The following MACROH2A1 variants were observed in gnomAD, a reference collection of about 807,000 sequenced individuals.
MACROH2A1 encodes the protein core histone macro-H2A.1.
MACROH2A1 carries 2 observed loss-of-function variants against 31.6 expected under a neutral mutation model. The ratio of observed to expected loss-of-function variants is 0.06; its 90% CI spans 0.03 to 0.20. MACROH2A1 has a LOEUF of 0.20. Ranked by LOEUF, MACROH2A1 falls within the 10% of genes least tolerant of loss-of-function variation. The pLI, the probability that MACROH2A1 is intolerant of heterozygous loss-of-function variation, is 1.00. For missense variants in MACROH2A1, 230 were observed against 474.0 expected (o/e 0.49, Z 4.78); for synonymous variants, 169 against 189.6 (o/e 0.89, Z 0.89).
intron 8 of MACROH2A1, among the ~76,000 whole-genome samples, chr5:135,336,285 T>C (rs1040974067): frequency 5.9e-5 from 9 of 152,236 alleles, no homozygotes; most frequent in Non-Finnish European, 1.0e-4. Context: ...AGCGATCCAC[T>C]GTTGACAGTG....
intron 5 of MACROH2A1, chr5:135,359,725 G>A (rs1224305875): frequency 2.1e-6 from 2 of 972,048 alleles, no homozygotes; most frequent in Non-Finnish European, 2.4e-6. Flanking sequence ...GATTAACTTG[G>A]AACGTCAAAT....
intron 2 of MACROH2A1, among the ~76,000 whole-genome samples, chr5:135,388,105 T>G (rs1269573934): frequency 6.9e-6 from 1 of 144,984 alleles, no homozygotes; most frequent in Non-Finnish European, 1.5e-5. Context: ...TACAAAAGAA[T>G]GCCAACTAAG....
chr5:135,336,203 T>C (rs761278900), intron 8 of MACROH2A1, among the ~76,000 whole-genome samples: 40 of 152,224 alleles, frequency 2.6e-4, no homozygotes, highest in Non-Finnish European at 4.4e-4. Context: ...GGGTATCTAC[T>C]GTAGTACTGC....
intron 8 of MACROH2A1, among the ~76,000 whole-genome samples, chr5:135,338,679 C>A (rs1471308852): frequency 2.0e-5 from 3 of 152,208 alleles, no homozygotes; most frequent in African/African-American, 7.2e-5. Context: ...GCATCTTTGG[C>A]TTCTCAGCTG....
intron 4 of MACROH2A1, 36 bp from the exon 5 acceptor site, chr5:135,360,643 C>T (rs538642624): frequency 7.2e-7 from 1 of 1,395,814 alleles, no homozygotes; most frequent in African/African-American, 1.4e-5. Context: ...GTGGGCCACA[C>T]AGACACAGGC....
intron 4 of MACROH2A1, chr5:135,360,844 AAGG>A: frequency 1.5e-6 from 1 of 668,208 alleles, no homozygotes; most frequent in South Asian, 1.5e-5. Flanking sequence ...CAGCCACTTA[AAGG>A]TAAAACTTCA....
Position 135,343,317 on chromosome 5 carries a change from G to A in MACROH2A1, c.896C>T (p.Ala299Val), listed in dbSNP as rs1011101353. 1.2e-6 allele frequency: 2 copies of A among 1,614,180 alleles called. No individual in the cohort carries two copies. The highest frequency in any genetic ancestry group is 1.7e-6 in the Non-Finnish European group (2 of 1,180,034). ...TTTCAGCTTCTTATCATCAGCCAGG[G>A]CCAAGCAGTTTTTCACTGTCTTTTC... is the stretch of plus-strand genomic sequence containing the variant. The part of the protein sequence containing the change: ...LLEKTVKNCL[A>V]LADDKKLKSI... Residue 299 changes from alanine to valine, a missense_variant, in exon 8 of 9, where the codon GCC becomes GTC. Coordinates refer to ENST00000511689, the MANE Select transcript of MACROH2A1 (RefSeq NM_138610.3).
intron 7 of MACROH2A1, 122 bp from the exon 8 acceptor site, chr5:135,343,556 C>T: frequency 7.0e-7 from 1 of 1,434,954 alleles, no homozygotes. Context: ...TGCCCTGTGT[C>T]CGAGGAGTTC....
At chr5:135,371,257 A>T (rs73294510) in intron 2 of MACROH2A1, among the ~76,000 whole-genome samples, 3,927 of 152,328 alleles carry the variant, frequency 0.026, 109 homozygotes, top group Admixed American at 0.073. Context: ...CAGTTAGAAG[A>T]AGTTTTAATG....
chr5:135,389,080 C>A lies in MACROH2A1; in HGVS notation c.14G>T (p.Gly5Val). ...CGTCTTGGTGGACTTCTTCTTCCCACCGCGGCTCGACATGGCGGTGGCCCT... is the reference window on the plus strand; with the variant it reads ...CGTCTTGGTGGACTTCTTCTTCCCAACGCGGCTCGACATGGCGGTGGCCCT... Reference protein sequence around the residue: MSSRGGKKKSTKTSR... With the variant: MSSRVGKKKSTKTSR... Residue 5 changes from glycine (G) to valine (V), a missense_variant, in exon 2 of 9, where the codon GGT becomes GTT. Coordinates refer to ENST00000511689, the MANE Select transcript of MACROH2A1 (RefSeq NM_138610.3). 6.2e-7 allele frequency: 1 copy of A among 1,613,376 alleles called. No homozygotes were observed. Among genetic ancestry groups the A allele is most frequent in the Non-Finnish European group, 8.5e-7 (1 of 1,179,342 alleles).
chr5:135,353,022 G>A lies in MACROH2A1; in HGVS notation c.612C>T (p.Ile204=). The A allele has an allele frequency of 1.9e-6, 3 of 1,605,140 alleles. No individual in the cohort carries two copies. The highest frequency in any genetic ancestry group is 2.6e-6 in the Non-Finnish European group (3 of 1,171,832). ...GQKLNLIHSE[I]SNLAGFEVEA... ...CCACCTCAAAGCCGGCTAAATTACT[G>A]ATTTCACTGTGAATAAGGTTCAGCT... The change falls in exon 6 of 9, where the codon ATC becomes ATT. Residue 204 remains isoleucine (I), a synonymous_variant. Transcript: ENST00000511689.
intron 5 of MACROH2A1, chr5:135,355,137 A>C (rs1488711730): frequency 8.8e-6 from 4 of 455,950 alleles, no homozygotes; most frequent in Admixed American, 4.7e-5. Context: ...AGACCCCCTC[A>C]GTGGCCTGTA....
chr5:135,380,205 G>A (rs1411308900), intron 2 of MACROH2A1, among the ~76,000 whole-genome samples: 1 of 152,074 alleles, frequency 6.6e-6, no homozygotes, highest in African/African-American at 2.4e-5. Flanking sequence ...GGAATATCTG[G>A]CCTTGTGCTG....
intron 5 of MACROH2A1, chr5:135,357,763 A>C (rs1561601981): frequency 1.0e-6 from 1 of 984,550 alleles, no homozygotes; most frequent in Non-Finnish European, 1.2e-6. Context: ...ACAATTCAAC[A>C]ATGTGTGTGA....
At chr5:135,374,491 C>T (rs938014812) in intron 2 of MACROH2A1, among the ~76,000 whole-genome samples, 2 of 152,196 alleles carry the variant, frequency 1.3e-5, no homozygotes, top group African/African-American at 4.8e-5. Context: ...CCTGCCTGCC[C>T]CCCATGCACA....
Position 135,341,010 on chromosome 5 carries a change from C to T in MACROH2A1, c.953+2250G>A, listed in dbSNP as rs575258323. On this transcript the variant is annotated intron_variant, in intron 8 of 8. Coordinates refer to ENST00000511689, the MANE Select transcript of MACROH2A1 (RefSeq NM_138610.3). ...GTAAATAAGTTTGTAATAACAGATGCTCTTTTATGAGAATTACTTTTATGC... is the reference window on the plus strand; with the variant it reads ...GTAAATAAGTTTGTAATAACAGATGTTCTTTTATGAGAATTACTTTTATGC... Among the ~76,000 whole-genome samples, 5 of 152,340 alleles carry T rather than the reference C, an allele frequency of 3.3e-5. No homozygotes were observed. In the South Asian group the frequency reaches 1.0e-3, roughly 32 times the overall value.
At chr5:135,339,584 G>T (rs1180879620) in intron 8 of MACROH2A1, among the ~76,000 whole-genome samples, 4 of 152,198 alleles carry the variant, frequency 2.6e-5, no homozygotes, top group Non-Finnish European at 4.4e-5. Flanking sequence ...GGCTGGGGAG[G>T]AGTAGAGGTG....
At chr5:135,360,319 T>C (rs1762671734) in intron 5 of MACROH2A1, 178 bp downstream of exon 5, 7 of 600,294 alleles carry the variant, frequency 1.2e-5, no homozygotes, top group South Asian at 2.0e-5. Flanking sequence ...TCCCTCAGCA[T>C]TGTGGCCTCC....
At chr5:135,365,045 A>T (rs1034715842) in intron 4 of MACROH2A1, among the ~76,000 whole-genome samples, 4 of 152,190 alleles carry the variant, frequency 2.6e-5, no homozygotes, top group African/African-American at 7.2e-5. Flanking sequence ...TTTATCCAAA[A>T]GTTTGGCAAA....
Sources: gnomAD v4.1 joint callset for allele counts (sites outside exome capture counted in the v4.1 genomes callset) on GRCh38, gnomAD v4.1.1 for gene constraint, MANE v1.5 for transcripts, NCBI Gene and HGNC (gene_info 2026-07-23, HGNC 2026-07-21) for gene names.